Variants in SUCLG1 observed in about 807,000 individuals in gnomAD.
The protein encoded by SUCLG1 is succinate--CoA ligase [ADP/GDP-forming] subunit alpha, mitochondrial.
SUCLG1 carries 26 observed loss-of-function variants against 37.3 expected under a neutral mutation model. That is an observed-to-expected ratio of 0.70 (90% CI 0.51 to 0.97). The LOEUF (loss-of-function observed/expected upper bound fraction) is 0.97, where lower values mean the gene tolerates loss of function less well. Among genes scored for constraint, SUCLG1 ranks in the 50% least tolerant of loss-of-function variants. The probability of loss-of-function intolerance (pLI) is 0.00; values close to 1 mark genes in which losing one functional copy is unlikely to be tolerated. For missense variants in SUCLG1, 433 were observed against 432.9 expected (o/e 1.00, Z 0.00); for synonymous variants, 163 against 155.6 (o/e 1.05, Z -0.36).
intron 5 of SUCLG1, among the ~76,000 whole-genome samples, chr2:84,437,608 T>C (rs1248576790): frequency 1.3e-5 from 2 of 152,216 alleles, no homozygotes; most frequent in Non-Finnish European, 2.9e-5. Flanking sequence ...ATGGCACAGC[T>C]ACACTGGATA....
At position 84,443,122 on chromosome 2, in the gene SUCLG1, A is replaced by G. The variant is rs559257694; in HGVS notation, c.318+162T>C. On this transcript the variant is annotated intron_variant, in intron 3 of 8. Transcript: ENST00000393868. Reference sequence around the variant, plus strand: ...TAGCTGATTCATACCTAGAAACAAAAATAACACACTGGTTTTGATGGCAAT... The same window carrying G: ...TAGCTGATTCATACCTAGAAACAAAGATAACACACTGGTTTTGATGGCAAT... The G allele has an allele frequency of 2.0e-5, 15 of 738,124 alleles. No homozygotes were observed. In the South Asian group the frequency reaches 2.2e-4, roughly 11 times the overall value. The allele number at this position is 738,124 out of a possible 1,614,324, so 45.7% of individuals were successfully genotyped here.
At chr2:84,443,533 T>A in intron 2 of SUCLG1, 133 bp from the exon 3 acceptor site, 2 of 812,206 alleles carry the variant, frequency 2.5e-6, no homozygotes, top group Non-Finnish European at 4.1e-6. Context: ...ATATATTTAC[T>A]AAACATAGCT....
chr2:84,443,025 T>G (rs1172836162), intron 3 of SUCLG1, among the ~76,000 whole-genome samples: 1 of 152,196 alleles, frequency 6.6e-6, no homozygotes. Flanking sequence ...ACTACTAACA[T>G]ACTGGAAGAA....
At chr2:84,449,209 A>G (rs1672898138) in intron 2 of SUCLG1, among the ~76,000 whole-genome samples, 1 of 152,218 alleles carries the variant, frequency 6.6e-6, no homozygotes, top group South Asian at 2.1e-4. Flanking sequence ...CTCAGTATCC[A>G]TGAGCCTCTC....
chr2:84,456,854 G>A (rs1673028599), intron 1 of SUCLG1, among the ~76,000 whole-genome samples: 1 of 152,040 alleles, frequency 6.6e-6, no homozygotes, highest in Admixed American at 6.6e-5. Flanking sequence ...AGTAGAGACG[G>A]GGTTTCACCA....
At chr2:84,437,995 C>G (rs1672712567) in intron 5 of SUCLG1, among the ~76,000 whole-genome samples, 1 of 152,158 alleles carries the variant, frequency 6.6e-6, no homozygotes, top group African/African-American at 2.4e-5. Context: ...ACTTATATAA[C>G]ATTCTTGACA....
chr2:84,437,024 A>G (rs1672697616), intron 5 of SUCLG1, among the ~76,000 whole-genome samples: 1 of 152,182 alleles, frequency 6.6e-6, no homozygotes, highest in Non-Finnish European at 1.5e-5. Flanking sequence ...ATAACAAATG[A>G]CAACCACCAC....
intron 5 of SUCLG1, among the ~76,000 whole-genome samples, chr2:84,438,059 G>C (rs1005486488): frequency 3.3e-5 from 5 of 152,202 alleles, no homozygotes; most frequent in South Asian, 2.1e-4. Flanking sequence ...AACTGAGAAG[G>C]GGGTGGAAGC....
At chr2:84,440,691 G>A (rs145317727) in intron 5 of SUCLG1, among the ~76,000 whole-genome samples, 9 of 152,236 alleles carry the variant, frequency 5.9e-5, no homozygotes, top group African/African-American at 2.2e-4. Flanking sequence ...TAAACAAACT[G>A]TGGTATAATT....
chr2:84,433,159 GAA>G (rs1672634802), intron 6 of SUCLG1, 191 bp downstream of exon 6: 3 of 640,486 alleles, frequency 4.7e-6, no homozygotes, highest in Admixed American at 5.3e-5. Context: ...ACCTAGAAAT[GAA>G]ATCTTGGACC....
At chr2:84,440,310 T>C (rs970280988) in intron 5 of SUCLG1, among the ~76,000 whole-genome samples, 1 of 151,676 alleles carries the variant, frequency 6.6e-6, no homozygotes, top group African/African-American at 2.4e-5. Flanking sequence ...GAGGCGGAGG[T>C]GGGGGTAAGC....
intron 7 of SUCLG1, chr2:84,426,472 T>C (rs1257954770): frequency 6.6e-6 from 1 of 151,706 alleles, no homozygotes; most frequent in Non-Finnish European, 1.5e-5. Context: ...ATCGAGACCA[T>C]CCTGGCCAAC....
chr2:84,433,425 G>A lies in SUCLG1; in HGVS notation c.600C>T (p.Ser200=), dbSNP rs976720518. 1 of 1,613,724 alleles carries A rather than the reference G, an allele frequency of 6.2e-7. No homozygotes were observed. The highest frequency in any genetic ancestry group is 8.5e-7 in the Non-Finnish European group (1 of 1,179,748). The change falls in exon 6 of 9, where the codon TCC becomes TCT. Residue 200 remains serine (S), a synonymous_variant. Transcript: ENST00000393868. ...IHKKGRIGIV[S]RSGTLTYEAV... is the part of the protein sequence containing the mutation. ...CTTCATAAGTCAGGGTGCCAGATCT[G>A]GACACAATGCCTTAACGAAAGAGAA...
chr2:84,447,455 A>G (rs1262312356), intron 2 of SUCLG1, among the ~76,000 whole-genome samples: 2 of 152,330 alleles, frequency 1.3e-5, no homozygotes, highest in African/African-American at 4.8e-5. Flanking sequence ...ACCATGGGCA[A>G]TGGTTCTTAC....
intron 2 of SUCLG1, among the ~76,000 whole-genome samples, chr2:84,445,289 C>T (rs909894894): frequency 2.0e-5 from 3 of 152,190 alleles, no homozygotes; most frequent in African/African-American, 2.4e-5. Context: ...CCGGTCCCTC[C>T]GTTCAGGGTT....
chr2:84,423,965 C>T (rs921824752), intron 8 of SUCLG1, among the ~76,000 whole-genome samples, 193 bp from the exon 9 acceptor site: 1 of 152,186 alleles, frequency 6.6e-6, no homozygotes, highest in Non-Finnish European at 1.5e-5. Flanking sequence ...CAGTCTGTGT[C>T]AGCCTGAATT....
At chr2:84,442,452 T>C (rs1226838789) in intron 3 of SUCLG1, among the ~76,000 whole-genome samples, 1 of 152,176 alleles carries the variant, frequency 6.6e-6, no homozygotes, top group Non-Finnish European at 1.5e-5. Context: ...CCCAAGAATT[T>C]ACACTATAGT....
At chr2:84,430,208 G>A (rs2104242023) in intron 7 of SUCLG1, among the ~76,000 whole-genome samples, 1 of 152,364 alleles carries the variant, frequency 6.6e-6, no homozygotes, top group Non-Finnish European at 1.5e-5. Flanking sequence ...ACAGCAGCCA[G>A]TGGCTCAGTA....
intron 5 of SUCLG1, among the ~76,000 whole-genome samples, chr2:84,434,093 C>T (rs1233111433): frequency 6.6e-6 from 1 of 152,114 alleles, no homozygotes; most frequent in African/African-American, 2.4e-5. Context: ...GAGGCCTCAC[C>T]AGAAGCTGAA....
Sources: allele counts gnomAD v4.1 joint callset (sites outside exome capture counted in the v4.1 genomes callset), GRCh38; gene constraint gnomAD v4.1.1; transcripts MANE v1.5; gene names NCBI Gene and HGNC (gene_info 2026-07-23, HGNC 2026-07-21).